The following KIF26B variants were observed in gnomAD, a reference collection of about 807,000 sequenced individuals.
KIF26B encodes kinesin family member 26B.
In KIF26B, 63 loss-of-function variants were observed where a neutral mutation model predicts 151.2. The observed-to-expected ratio is 0.42, with a 90% CI of 0.34 to 0.51. The LOEUF (loss-of-function observed/expected upper bound fraction) is 0.51. KIF26B is among the 20% of genes least tolerant of loss of function. The pLI is 0.07. For missense variants in KIF26B, 2,813 were observed against 2,913.6 expected (o/e 0.97, Z 0.79); for synonymous variants, 1,357 against 1,262.1 (o/e 1.08, Z -1.59).
At chr1:245,671,146 C>A (rs2044281326) in intron 10 of KIF26B, among the ~76,000 whole-genome samples, 1 of 152,186 alleles carries the variant, frequency 6.6e-6, no homozygotes, top group African/African-American at 2.4e-5. Flanking sequence ...ATCTCCATTT[C>A]CATCCATGAT....
intron 2 of KIF26B, among the ~76,000 whole-genome samples, chr1:245,252,718 A>C (rs941858299): frequency 6.6e-6 from 1 of 151,862 alleles, no homozygotes; most frequent in Non-Finnish European, 1.5e-5. Context: ...TTTTAATCCT[A>C]ATTCCTCTTA....
chr1:245,370,241 C>T (rs1396927208), intron 3 of KIF26B, among the ~76,000 whole-genome samples: 1 of 152,060 alleles, frequency 6.6e-6, no homozygotes, highest in Non-Finnish European at 1.5e-5. Flanking sequence ...GGTACATTTC[C>T]CCATGCCACT....
At chr1:245,426,670 C>A (rs147701600) in intron 4 of KIF26B, among the ~76,000 whole-genome samples, 2,201 of 152,320 alleles carry the variant, frequency 0.014, 55 homozygotes, top group African/African-American at 0.049. Context: ...AAACCAAGCC[C>A]CGCTCAGGCC....
chr1:245,268,699 G>A (rs189768144), intron 2 of KIF26B, among the ~76,000 whole-genome samples: 113 of 152,098 alleles, frequency 7.4e-4, no homozygotes, highest in African/African-American at 2.7e-3. Context: ...GAACCAGTCC[G>A]AGCCCCTCTG....
At chr1:245,316,972 A>G (rs1243401075) in intron 2 of KIF26B, among the ~76,000 whole-genome samples, 2 of 149,722 alleles carry the variant, frequency 1.3e-5, no homozygotes, top group Non-Finnish European at 3.0e-5. Context: ...TGGATGCTGT[A>G]GTCAGGAGTG....
At chr1:245,699,896 T>C (rs892026664) in intron 14 of KIF26B, among the ~76,000 whole-genome samples, 5 of 152,216 alleles carry the variant, frequency 3.3e-5, no homozygotes, top group African/African-American at 4.8e-5. Flanking sequence ...CTTAGGTTTA[T>C]GTTCCAAAGC....
At chr1:245,441,974 T>C (rs1429054601) in intron 4 of KIF26B, among the ~76,000 whole-genome samples, 1 of 152,250 alleles carries the variant, frequency 6.6e-6, no homozygotes, top group African/African-American at 2.4e-5. Flanking sequence ...GGCCCTTTGA[T>C]GGCTTTTGGG....
chr1:245,392,968 C>T (rs112906103), intron 3 of KIF26B, among the ~76,000 whole-genome samples: 15,432 of 151,972 alleles, frequency 0.1, 986 homozygotes, highest in East Asian at 0.23. Flanking sequence ...GTCAGGAGTT[C>T]GGGACCAGCC....
At chr1:245,314,286 A>G (rs554096079) in intron 2 of KIF26B, among the ~76,000 whole-genome samples, 1 of 152,108 alleles carries the variant, frequency 6.6e-6, no homozygotes, top group East Asian at 1.9e-4. Context: ...CATCTCTACT[A>G]AAAATACAAA....
At chr1:245,216,959 G>A (rs1215405337) in intron 2 of KIF26B, among the ~76,000 whole-genome samples, 1 of 152,196 alleles carries the variant, frequency 6.6e-6, no homozygotes, top group African/African-American at 2.4e-5. Flanking sequence ...GCAACACAGA[G>A]CACAGGGAGC....
At chr1:245,256,419 C>A (rs1670535346) in intron 2 of KIF26B, among the ~76,000 whole-genome samples, 1 of 152,208 alleles carries the variant, frequency 6.6e-6, no homozygotes, top group Non-Finnish European at 1.5e-5. Context: ...AGTCCAACAG[C>A]CCCATCGTCC....
chr1:245,217,986 G>A (rs1386823812), intron 2 of KIF26B, among the ~76,000 whole-genome samples: 2 of 152,162 alleles, frequency 1.3e-5, no homozygotes, highest in Admixed American at 1.3e-4. Context: ...AACTGCTGGT[G>A]GAACTGGGCT....
rs946076371 is a variant in KIF26B, at chr1:245,488,849, A to T, written c.1167-51918A>T. Among the ~76,000 whole-genome samples, 1 of 152,206 alleles carries T rather than the reference A, an allele frequency of 6.6e-6. No individual in the cohort carries two copies. Among genetic ancestry groups the T allele is most frequent in the South Asian group, 2.1e-4 (1 of 4,830 alleles). Reference sequence around the variant, plus strand: ...TGAGTCCTTAATAACAGAGGGACCAAGACTCGATTCTTTATGCCTTAGGCT... The same window carrying T: ...TGAGTCCTTAATAACAGAGGGACCATGACTCGATTCTTTATGCCTTAGGCT... On this transcript the variant is annotated intron_variant, in intron 4 of 14. Coordinates refer to ENST00000407071, the MANE Select transcript of KIF26B (RefSeq NM_018012.4). This position sits in a 1 kb window ranked among gnomAD's most constrained non-coding sequence, Gnocchi z 4.6.
At chr1:245,205,147 A>G (rs548165632) in intron 2 of KIF26B, among the ~76,000 whole-genome samples, 1 of 152,138 alleles carries the variant, frequency 6.6e-6, no homozygotes, top group Non-Finnish European at 1.5e-5. Context: ...CCATGTGTGT[A>G]TTTTGCATCC....
At chr1:245,541,071 G>A in intron 5 of KIF26B, 121 bp downstream of exon 5, 1 of 812,136 alleles carries the variant, frequency 1.2e-6, no homozygotes, top group Non-Finnish European at 1.9e-6. Context: ...AGAAAAGGAG[G>A]CAAGATGAAA....
chr1:245,279,805 A>G (rs529403813), intron 2 of KIF26B, among the ~76,000 whole-genome samples: 2 of 151,450 alleles, frequency 1.3e-5, no homozygotes, highest in African/African-American at 4.9e-5. Context: ...GCATTTTATT[A>G]TACAAAGTTA....
chr1:245,306,295 T>C (rs1217997774), intron 2 of KIF26B, among the ~76,000 whole-genome samples: 1 of 152,200 alleles, frequency 6.6e-6, no homozygotes, highest in African/African-American at 2.4e-5. Context: ...GATGACATAT[T>C]GTATGATTCC....
intron 3 of KIF26B, among the ~76,000 whole-genome samples, chr1:245,389,825 G>A (rs1673641915): frequency 6.6e-6 from 1 of 152,154 alleles, no homozygotes; most frequent in African/African-American, 2.4e-5. Context: ...AATGCAGTGA[G>A]GCCTTTCCTC....
At chr1:245,406,166 G>A (rs947809805) in intron 3 of KIF26B, among the ~76,000 whole-genome samples, 3 of 152,132 alleles carry the variant, frequency 2.0e-5, no homozygotes, top group African/African-American at 7.2e-5. Context: ...CCTATGTGCA[G>A]TCTCACACGT....
Sources: gnomAD v4.1 joint callset for allele counts (sites outside exome capture counted in the v4.1 genomes callset) on GRCh38, gnomAD v4.1.1 for gene constraint, Gnocchi (gnomAD v3.1) non-coding constraint, MANE v1.5 for transcripts, NCBI Gene and HGNC (gene_info 2026-07-23, HGNC 2026-07-21) for gene names.